The following HOMER1 variants were observed in gnomAD, a reference collection of about 807,000 sequenced individuals.
HOMER1 encodes the protein homer scaffold protein 1.
In HOMER1, 3 loss-of-function variants were observed where a neutral mutation model predicts 48.9. The ratio of observed to expected loss-of-function variants is 0.06; its 90% CI spans 0.03 to 0.16. The LOEUF (loss-of-function observed/expected upper bound fraction) is 0.16. HOMER1 is among the 10% of genes least tolerant of loss of function. HOMER1 has a pLI of 1.00. For synonymous variants in HOMER1, 134 were observed against 146.4 expected (o/e 0.92, Z 0.61); for missense variants, 247 against 411.4 (o/e 0.60, Z 3.46).
At chr5:79,490,720 C>T (rs1752244129) in intron 1 of HOMER1, among the ~76,000 whole-genome samples, 1 of 149,474 alleles carries the variant, frequency 6.7e-6, no homozygotes, top group Non-Finnish European at 1.5e-5. Context: ...TCACTTGAGG[C>T]CAGGAGTTTG....
At chr5:79,502,308 G>A (rs915140145) in intron 1 of HOMER1, among the ~76,000 whole-genome samples, 28 of 151,906 alleles carry the variant, frequency 1.8e-4, no homozygotes, top group Non-Finnish European at 2.6e-4. Context: ...GTGAGCCACC[G>A]CGCCCAGCCA....
intron 8 of HOMER1, among the ~76,000 whole-genome samples, chr5:79,381,231 G>C (rs1359931558): frequency 6.6e-6 from 1 of 152,046 alleles, no homozygotes; most frequent in Non-Finnish European, 1.5e-5. Context: ...GAAAATCACA[G>C]GTACTATTGA....
At chr5:79,407,730 G>A (rs1471667505) in intron 5 of HOMER1, among the ~76,000 whole-genome samples, 2 of 152,192 alleles carry the variant, frequency 1.3e-5, no homozygotes, top group East Asian at 3.8e-4. Flanking sequence ...ATCATAGAAG[G>A]AGAAGAGAGA....
intron 8 of HOMER1, among the ~76,000 whole-genome samples, chr5:79,381,537 A>G (rs530404934): frequency 6.6e-6 from 1 of 152,334 alleles, no homozygotes; most frequent in Admixed American, 6.5e-5. Flanking sequence ...CCCCCAAAAG[A>G]ATTCAAATTA....
chr5:79,384,641 T>C (rs1241066496), intron 8 of HOMER1, among the ~76,000 whole-genome samples: 1 of 152,134 alleles, frequency 6.6e-6, no homozygotes, highest in Non-Finnish European at 1.5e-5. Flanking sequence ...TCCTAACTTA[T>C]TCTATGAGGC....
At chr5:79,378,971 G>A (rs908895349) in intron 8 of HOMER1, among the ~76,000 whole-genome samples, 5 of 148,128 alleles carry the variant, frequency 3.4e-5, no homozygotes, top group Non-Finnish European at 7.4e-5. Flanking sequence ...TCTATTTTTA[G>A]GCAAAGAGAA....
intron 1 of HOMER1, among the ~76,000 whole-genome samples, chr5:79,480,747 A>G (rs992349857): frequency 2.0e-5 from 3 of 152,212 alleles, no homozygotes. Flanking sequence ...CTGAAAACCC[A>G]CAAGTATGAA....
At chr5:79,440,497 T>G (rs934382811) in intron 4 of HOMER1, among the ~76,000 whole-genome samples, 1 of 152,238 alleles carries the variant, frequency 6.6e-6, no homozygotes, top group African/African-American at 2.4e-5. Context: ...TTTTGACCTT[T>G]AATTTCATTT....
intron 5 of HOMER1, among the ~76,000 whole-genome samples, chr5:79,418,459 AAAAC>A (rs1750003008): frequency 6.6e-6 from 1 of 151,324 alleles, no homozygotes; most frequent in Non-Finnish European, 1.5e-5. Context: ...TAGCTACAGA[AAAAC>A]AACACGACAG....
chr5:79,407,462 C>T (rs940967542), intron 5 of HOMER1, among the ~76,000 whole-genome samples: 1 of 152,160 alleles, frequency 6.6e-6, no homozygotes, highest in Non-Finnish European at 1.5e-5. Context: ...ACATCACGTT[C>T]ACTCAGATTG....
chr5:79,444,406 A>G (rs1352552456), intron 4 of HOMER1, among the ~76,000 whole-genome samples: 1 of 152,208 alleles, frequency 6.6e-6, no homozygotes, highest in Non-Finnish European at 1.5e-5. Context: ...TGGCTTCTGT[A>G]TATTAAATTG....
chr5:79,383,204 A>T (rs184028373), intron 8 of HOMER1, among the ~76,000 whole-genome samples: 17 of 152,278 alleles, frequency 1.1e-4, no homozygotes, highest in African/African-American at 4.1e-4. Flanking sequence ...GGCACACCTA[A>T]ATTCATAAAG....
At chr5:79,489,064 C>T (rs1333563714) in intron 1 of HOMER1, among the ~76,000 whole-genome samples, 1 of 151,888 alleles carries the variant, frequency 6.6e-6, no homozygotes, top group East Asian at 1.9e-4. Flanking sequence ...GGGGAATACA[C>T]AAAGAAGAAA....
rs992863472 is a variant in HOMER1 at position 79,461,932 on chromosome 5, C to T, written c.6-4914G>A. Among the ~76,000 whole-genome samples the T allele has an allele frequency of 3.9e-5, 6 of 152,220 alleles. No homozygotes were observed. In the East Asian group the frequency reaches 1.2e-3, roughly 29 times the overall value. On this transcript the variant is annotated intron_variant, in intron 1 of 8. Coordinates refer to ENST00000334082, the MANE Select transcript of HOMER1 (RefSeq NM_004272.5). ...AATAGATCCATGCCGGGCGCAGTGG[C>T]TCACGCCTGTAATCCCAGCACTTTG...
intron 1 of HOMER1, among the ~76,000 whole-genome samples, chr5:79,492,716 AT>A (rs1372679730): frequency 6.6e-6 from 1 of 152,028 alleles, no homozygotes; most frequent in Admixed American, 6.6e-5. Context: ...AAAATTGGTG[AT>A]ATTTTGGCAA....
intron 5 of HOMER1, among the ~76,000 whole-genome samples, chr5:79,409,354 C>G (rs1749753762): frequency 6.6e-6 from 1 of 150,542 alleles, no homozygotes; most frequent in South Asian, 2.1e-4. Flanking sequence ...ACCACTTGAA[C>G]CGGGGAGGCG....
intron 8 of HOMER1, among the ~76,000 whole-genome samples, chr5:79,385,945 A>G (rs1749099916): frequency 6.6e-6 from 1 of 152,026 alleles, no homozygotes; most frequent in Admixed American, 6.6e-5. Flanking sequence ...TAGAATGACT[A>G]TCATTAAAAA....
chr5:79,486,289 T>A (rs1342888674), intron 1 of HOMER1, among the ~76,000 whole-genome samples: 1 of 151,330 alleles, frequency 6.6e-6, no homozygotes, highest in African/African-American at 2.4e-5. Context: ...ACAATTGTTT[T>A]TTTAAGCCAC....
chr5:79,408,000 T>G (rs1580429923), intron 5 of HOMER1, among the ~76,000 whole-genome samples: 2 of 152,338 alleles, frequency 1.3e-5, no homozygotes, highest in Middle Eastern at 6.8e-3. Context: ...TACAGTATAT[T>G]CCTATAATTG....
Sources: gnomAD v4.1 joint callset for allele counts (sites outside exome capture counted in the v4.1 genomes callset) on GRCh38, gnomAD v4.1.1 for gene constraint, MANE v1.5 for transcripts, NCBI Gene and HGNC (gene_info 2026-07-23, HGNC 2026-07-21) for gene names.